The following DOCK2 variants were observed in gnomAD, a reference collection of about 807,000 sequenced individuals.
DOCK2 encodes the protein dedicator of cytokinesis 2.
A neutral mutation model predicts 248.9 loss-of-function variants in DOCK2; 87 were observed. The observed-to-expected ratio is 0.35, with a 90% CI of 0.29 to 0.42. The LOEUF (loss-of-function observed/expected upper bound fraction) is 0.42. Among genes scored for constraint, DOCK2 ranks in the 10% least tolerant of loss-of-function variants. The probability of loss-of-function intolerance (pLI) is 1.00; values close to 1 mark genes in which losing one functional copy is unlikely to be tolerated. For missense variants in DOCK2, 1,747 were observed against 2,300.2 expected, an observed-to-expected ratio of 0.76 and a Z score of 4.92; for synonymous variants, 805 against 821.6, an observed-to-expected ratio of 0.98 and a Z score of 0.35.
chr5:170,075,206 C>T (rs1337258215), intron 46 of DOCK2, among the ~76,000 whole-genome samples: 1 of 152,168 alleles, frequency 6.6e-6, no homozygotes, highest in African/African-American at 2.4e-5. Context: ...GACCACACAA[C>T]TAAAGTTCTC....
chr5:170,059,078 C>T (rs1318568243), intron 44 of DOCK2, among the ~76,000 whole-genome samples: 1 of 152,068 alleles, frequency 6.6e-6, no homozygotes, highest in African/African-American at 2.4e-5. Context: ...GTGCATTGTT[C>T]AAGGTTAGTA....
rs10636919 is a variant in DOCK2 at position 169,764,844 on chromosome 5, T to TTTGTTG, written c.2554+3243_2554+3248dup. Among the ~76,000 whole-genome samples the TTTGTTG allele has an allele frequency of 0.15, 22,583 of 150,978 alleles. 2,463 individuals carry two copies. The highest frequency in any genetic ancestry group is 0.31 in the Admixed American group (4,691 of 15,128). ...GCTCTCCATTCTGACTTTGAACGTG[T>TTTGTTG]TTGTTGTTGTTGTTGTTGTTGTTGT... On this transcript the variant is annotated intron_variant, in intron 25 of 51. Transcript: ENST00000520908. This position sits in a 1 kb window ranked among gnomAD's most constrained non-coding sequence, Gnocchi z 4.3.
At chr5:170,016,627 G>A (rs1266962619) in intron 32 of DOCK2, among the ~76,000 whole-genome samples, 5 of 152,148 alleles carry the variant, frequency 3.3e-5, no homozygotes, top group Non-Finnish European at 7.4e-5. Flanking sequence ...AGAAATCACG[G>A]GTCTACAGCA....
chr5:169,646,568 T>C (rs930394966), intron 1 of DOCK2, among the ~76,000 whole-genome samples: 2 of 152,084 alleles, frequency 1.3e-5, no homozygotes, highest in Non-Finnish European at 2.9e-5. Flanking sequence ...GTATGGAGGG[T>C]TAACTTTGAG....
At chr5:170,031,207 A>AG (rs1349770674) in intron 34 of DOCK2, among the ~76,000 whole-genome samples, 1 of 152,238 alleles carries the variant, frequency 6.6e-6, no homozygotes, top group Non-Finnish European at 1.5e-5. Flanking sequence ...TGAAGCAGAT[A>AG]GATGTATGTT....
chr5:169,948,681 A>G (rs1259505717), intron 27 of DOCK2, among the ~76,000 whole-genome samples: 3 of 143,844 alleles, frequency 2.1e-5, no homozygotes, highest in Non-Finnish European at 3.0e-5. Context: ...TGGTGTGATT[A>G]TGGCTCACTG....
At chr5:169,808,391 C>T (rs1767530156) in intron 26 of DOCK2, among the ~76,000 whole-genome samples, 2 of 152,038 alleles carry the variant, frequency 1.3e-5, no homozygotes, top group African/African-American at 4.8e-5. Context: ...GAGCAGCAAG[C>T]CAACCTTATT....
rs13356008 is a variant in DOCK2, at chr5:170,044,564, C to T, written c.3877-1252C>T. 8.5e-3 allele frequency among the ~76,000 whole-genome samples: 1,300 copies of T among 152,234 alleles called. 20 individuals are homozygous for T. The highest frequency in any genetic ancestry group is 0.029 in the African/African-American group (1,200 of 41,526). Reference sequence around the variant, plus strand: ...AAGACCTATACTTGAGCCCAACAGTCCCCTGGCCCAGCCCAGGGGGATTAC... The same window carrying T: ...AAGACCTATACTTGAGCCCAACAGTTCCCTGGCCCAGCCCAGGGGGATTAC... On this transcript the variant is annotated intron_variant, in intron 38 of 51. Transcript: ENST00000520908.
intron 27 of DOCK2, chr5:169,882,641 C>T: frequency 1.9e-6 from 3 of 1,552,048 alleles, no homozygotes; most frequent in Non-Finnish European, 2.6e-6. Flanking sequence ...AGAGATTCCT[C>T]CACAGATTGC....
chr5:169,689,817 C>CT (rs1295668448), intron 9 of DOCK2, among the ~76,000 whole-genome samples: 1 of 152,208 alleles, frequency 6.6e-6, no homozygotes, highest in Non-Finnish European at 1.5e-5. Flanking sequence ...TCATAGATGA[C>CT]TAACGATCTG....
intron 9 of DOCK2, among the ~76,000 whole-genome samples, chr5:169,693,479 G>A (rs762855903): frequency 7.9e-5 from 12 of 152,086 alleles, no homozygotes; most frequent in Admixed American, 5.9e-4. Context: ...TGTTGTTGGG[G>A]GGAAATAAAT....
chr5:170,048,161 G>T (rs1756781423), intron 40 of DOCK2, among the ~76,000 whole-genome samples: 1 of 152,180 alleles, frequency 6.6e-6, no homozygotes, highest in Admixed American at 6.5e-5. Flanking sequence ...GGAGGCTGAG[G>T]TGGGCAGATT....
At chr5:169,894,876 A>G (rs1444923923) in intron 27 of DOCK2, among the ~76,000 whole-genome samples, 1 of 152,208 alleles carries the variant, frequency 6.6e-6, no homozygotes, top group East Asian at 1.9e-4. Context: ...AAAAGGCAGA[A>G]GTAATAAAAA....
chr5:169,973,759 A>G (rs1777610980), intron 27 of DOCK2, among the ~76,000 whole-genome samples: 3 of 152,228 alleles, frequency 2.0e-5, no homozygotes. Context: ...GCCATAGAGA[A>G]TAGTCATTAA....
At chr5:170,080,429 C>A in intron 50 of DOCK2, 146 bp downstream of exon 50, 2 of 1,243,382 alleles carry the variant, frequency 1.6e-6, no homozygotes, top group Non-Finnish European at 2.2e-6. Flanking sequence ...AGCCACCCAC[C>A]CTCTAATCTC....
intron 26 of DOCK2, among the ~76,000 whole-genome samples, chr5:169,824,906 A>T (rs529870886): frequency 6.6e-6 from 1 of 152,192 alleles, no homozygotes; most frequent in Non-Finnish European, 1.5e-5. Context: ...GAATCTACAA[A>T]GAACTCAAAC....
At chr5:169,652,531 C>T (rs752096028) in intron 1 of DOCK2, among the ~76,000 whole-genome samples, 30 of 152,228 alleles carry the variant, frequency 2.0e-4, no homozygotes, top group South Asian at 6.2e-4. Context: ...GCCTGTGCTC[C>T]GTTCCACTGA....
intron 27 of DOCK2, among the ~76,000 whole-genome samples, chr5:169,958,514 A>G (rs1315600426): frequency 6.6e-6 from 1 of 152,078 alleles, no homozygotes; most frequent in African/African-American, 2.4e-5. Flanking sequence ...AGCTGTTACC[A>G]TTAGCCCAGC....
chr5:169,906,608 G>A (rs1003229536), intron 27 of DOCK2, among the ~76,000 whole-genome samples: 14 of 152,098 alleles, frequency 9.2e-5, no homozygotes, highest in African/African-American at 2.7e-4. Flanking sequence ...CTGGGGTTAC[G>A]GGTATGAGCC....
Sources: allele counts gnomAD v4.1 joint callset (sites outside exome capture counted in the v4.1 genomes callset), GRCh38; gene constraint gnomAD v4.1.1; non-coding constraint Gnocchi (gnomAD v3.1); transcripts MANE v1.5; gene names NCBI Gene and HGNC (gene_info 2026-07-23, HGNC 2026-07-21).